The following ZNF423 variants were observed in gnomAD, a reference collection of about 807,000 sequenced individuals.
The protein encoded by ZNF423 is Ebf-associated zinc finger protein.
In ZNF423, 12 loss-of-function variants were observed where a neutral mutation model predicts 95.8. That is an observed-to-expected ratio of 0.13 (90% CI 0.08 to 0.20). The LOEUF (loss-of-function observed/expected upper bound fraction) is 0.20. ZNF423 is among the 10% of genes least tolerant of loss of function. The pLI is 1.00. For missense variants in ZNF423, 1,316 were observed against 1,737.1 expected, an observed-to-expected ratio of 0.76 and a Z score of 4.31; for synonymous variants, 749 against 711.9, an observed-to-expected ratio of 1.05 and a Z score of -0.83.
intron 5 of ZNF423, among the ~76,000 whole-genome samples, chr16:49,544,671 G>A (rs117199736): frequency 2.6e-3 from 401 of 152,358 alleles, no homozygotes; most frequent in Non-Finnish European, 5.0e-3. Context: ...CAGAGAGGGC[G>A]TTCCAGGGGA....
intron 2 of ZNF423, among the ~76,000 whole-genome samples, chr16:49,752,173 T>C (rs1376721331): frequency 6.6e-6 from 1 of 152,254 alleles, no homozygotes; most frequent in East Asian, 1.9e-4. Context: ...TGCGGGCCAC[T>C]GTGCCCGTGA....
At chr16:49,792,266 C>A (rs565289594) in intron 1 of ZNF423, among the ~76,000 whole-genome samples, 2 of 152,250 alleles carry the variant, frequency 1.3e-5, no homozygotes, top group South Asian at 2.1e-4. Context: ...AGTGTGACCA[C>A]CCAAGTCACT....
intron 2 of ZNF423, among the ~76,000 whole-genome samples, chr16:49,754,642 G>A (rs1054555232): frequency 9.8e-5 from 15 of 152,294 alleles, no homozygotes; most frequent in South Asian, 4.2e-4. Context: ...GACAGACAGC[G>A]TCTCAGCAGC....
At position 49,637,005 on chromosome 16, in the gene ZNF423, G is replaced by A; in HGVS notation, c.2171C>T (p.Thr724Ile). 1.2e-6 allele frequency: 2 copies of A among 1,613,926 alleles called. No individual in the cohort carries two copies. The highest frequency in any genetic ancestry group is 1.7e-6 in the Non-Finnish European group (2 of 1,180,038). Reference protein sequence around the residue: ...DLQKHLLDMHTFVLYHCTLCQ... With the variant: ...DLQKHLLDMHIFVLYHCTLCQ... ...CAGGGTGCAGTGGTACAACACAAAG[G>A]TGTGCATGTCCAGCAGGTGCTTCTG... The change falls in exon 4 of 8, where the codon ACC (threonine) becomes ATC (isoleucine). Residue 724 changes from threonine (T) to isoleucine (I), a missense_variant. Coordinates refer to ENST00000563137, the MANE Select transcript of ZNF423 (RefSeq NM_001379286.1). This position sits in a 1 kb window ranked among gnomAD's most constrained non-coding sequence, Gnocchi z 5.6.
At chr16:49,848,794 C>A (rs1228432844) in intron 1 of ZNF423, among the ~76,000 whole-genome samples, 1 of 152,124 alleles carries the variant, frequency 6.6e-6, no homozygotes, top group Non-Finnish European at 1.5e-5. Flanking sequence ...GTGTCTCGGA[C>A]GGAGTTTCCT....
At chr16:49,778,884 T>TA (rs2034164470) in intron 2 of ZNF423, among the ~76,000 whole-genome samples, 2 of 152,202 alleles carry the variant, frequency 1.3e-5, no homozygotes, top group Admixed American at 1.3e-4. Context: ...GAGCACTCCA[T>TA]ACGGATTTCC....
In ZNF423 at chr16:49,637,303, G is replaced by A. The variant is rs771060189; in HGVS notation, c.1873C>T (p.Arg625Trp). The A allele has an allele frequency of 2.2e-5, 36 of 1,614,096 alleles. No individual in the cohort carries two copies. Among genetic ancestry groups the A allele is most frequent in the East Asian group, 8.9e-5 (4 of 44,892 alleles). The part of the protein sequence containing the change: ...SSDVEVSSPK[R>W]QRLSASANSI... Reference sequence around the variant, plus strand: ...TTGGCGCTTGCTGAGAGCCGCTGCCGCTTCGGGGAAGACACCTCCACATCG... The same window carrying A: ...TTGGCGCTTGCTGAGAGCCGCTGCCACTTCGGGGAAGACACCTCCACATCG... The change falls in exon 4 of 8, where the codon CGG becomes TGG. Residue 625 changes from arginine to tryptophan, a missense_variant. Physicochemically the swap from Arg to Trp is moderately radical, Grantham distance 101 (BLOSUM62 -3). This residue lies in a region of ZNF423 where 620 missense variants were observed against 775.6 expected (regional missense o/e 0.80). Transcript: ENST00000563137. This position sits in a 1 kb window ranked among gnomAD's most constrained non-coding sequence, Gnocchi z 5.6.
chr16:49,651,434 C>T lies in ZNF423; in HGVS notation c.302-12560G>A, dbSNP rs147582845. On this transcript the variant is annotated intron_variant, in intron 3 of 7. Transcript: ENST00000563137. ...GCTTCTTGGAGGAGGGACCCCCACC[C>T]CCCTGCATGCCCAGCACCCCAGGAC... Among the ~76,000 whole-genome samples the T allele has an allele frequency of 3.9e-4, 60 of 152,244 alleles. 2 individuals carry two copies. The East Asian group carries it at 9.9e-3, about 25-fold the overall frequency.
At chr16:49,592,517 G>C (rs1475041882) in intron 5 of ZNF423, among the ~76,000 whole-genome samples, 1 of 152,210 alleles carries the variant, frequency 6.6e-6, no homozygotes, top group Non-Finnish European at 1.5e-5. Context: ...AAAACACAGT[G>C]ACAGAATTCT....
intron 3 of ZNF423, among the ~76,000 whole-genome samples, chr16:49,712,465 G>T (rs570541886): frequency 5.1e-4 from 78 of 152,386 alleles, no homozygotes; most frequent in Middle Eastern, 3.4e-3. Context: ...TCCACTGATA[G>T]AGGGCTACTC....
chr16:49,550,118 G>A (rs768473728), intron 5 of ZNF423, among the ~76,000 whole-genome samples: 5 of 152,100 alleles, frequency 3.3e-5, no homozygotes, highest in East Asian at 3.9e-4. Flanking sequence ...TCCTCCTACC[G>A]TGGCCTTCCA....
intron 5 of ZNF423, among the ~76,000 whole-genome samples, chr16:49,559,823 G>A (rs1416433703): frequency 2.0e-5 from 3 of 152,162 alleles, no homozygotes; most frequent in South Asian, 2.1e-4. Flanking sequence ...ACAAAGATGA[G>A]TAAACTGAAG....
chr16:49,803,379 C>A (rs2034610469), intron 1 of ZNF423, among the ~76,000 whole-genome samples: 1 of 152,192 alleles, frequency 6.6e-6, no homozygotes, highest in South Asian at 2.1e-4. Flanking sequence ...CTATTTCCAG[C>A]TGTCTCCTCC....
At chr16:49,509,789 C>T (rs1010346794) in intron 7 of ZNF423, among the ~76,000 whole-genome samples, 4 of 152,178 alleles carry the variant, frequency 2.6e-5, no homozygotes, top group African/African-American at 9.7e-5. Context: ...AACATCCTGC[C>T]CTTGGTGTTA....
chr16:49,556,634 A>C (rs905549167), intron 5 of ZNF423, among the ~76,000 whole-genome samples: 33 of 152,214 alleles, frequency 2.2e-4, no homozygotes, highest in African/African-American at 8.0e-4. Context: ...ACAAGAGTTC[A>C]GCCACTGGGC....
At chr16:49,697,119 TG>T (rs1356021257) in intron 3 of ZNF423, among the ~76,000 whole-genome samples, 2 of 152,142 alleles carry the variant, frequency 1.3e-5, no homozygotes, top group African/African-American at 2.4e-5. Context: ...CTCAGGACCT[TG>T]CTTCCAAGCA....
intron 1 of ZNF423, chr16:49,822,643 C>A (rs770055317): frequency 1.9e-6 from 3 of 1,591,496 alleles, no homozygotes; most frequent in Non-Finnish European, 2.6e-6. Flanking sequence ...TTGCCCCACC[C>A]CTCAGCCCAA....
intron 3 of ZNF423, among the ~76,000 whole-genome samples, chr16:49,694,249 T>C (rs1394848722): frequency 6.6e-6 from 1 of 152,176 alleles, no homozygotes; most frequent in African/African-American, 2.4e-5. Context: ...AAACCTGTTC[T>C]TACTCAGCTT....
At position 49,635,972 on chromosome 16, in the gene ZNF423, C is replaced by T. The variant is rs1237588948; in HGVS notation, c.3204G>A (p.Leu1068=). 1 of 1,598,080 alleles carries T rather than the reference C, an allele frequency of 6.3e-7. No individual in the cohort carries two copies. The change falls in exon 4 of 8, where the codon CTG becomes CTA. Residue 1068 remains leucine (L), a synonymous_variant. Coordinates refer to ENST00000563137, the MANE Select transcript of ZNF423 (RefSeq NM_001379286.1). This position sits in a 1 kb window ranked among gnomAD's most constrained non-coding sequence, Gnocchi z 4.8. ...SAASSPNGQG[L]QKLYKCALCL... Reference sequence around the variant, plus strand: ...ACAGGGCGCACTTGTAGAGCTTCTGCAGCCCCTGGCCATTGGGGGAGGACG... The same window carrying T: ...ACAGGGCGCACTTGTAGAGCTTCTGTAGCCCCTGGCCATTGGGGGAGGACG...
Sources: gnomAD v4.1 joint callset for allele counts (sites outside exome capture counted in the v4.1 genomes callset) on GRCh38, gnomAD v4.1.1 for gene constraint, gnomAD v4.1.1 regional missense constraint, Gnocchi (gnomAD v3.1) non-coding constraint, MANE v1.5 for transcripts, NCBI Gene and HGNC (gene_info 2026-07-23, HGNC 2026-07-21) for gene names.